MAP7: variants seen among roughly 807,000 people sequenced by gnomAD.
MAP7 encodes ensconsin.
A neutral mutation model predicts 94.8 loss-of-function variants in MAP7; 52 were observed. The ratio of observed to expected loss-of-function variants is 0.55; its 90% CI spans 0.44 to 0.69. The LOEUF (loss-of-function observed/expected upper bound fraction) is 0.69. Ranked by LOEUF, MAP7 falls within the 30% of genes least tolerant of loss-of-function variation. The pLI, the probability that MAP7 is intolerant of heterozygous loss-of-function variation, is 0.00. For synonymous variants in MAP7, 350 were observed against 357.0 expected (o/e 0.98, Z 0.22); for missense variants, 940 against 964.6 (o/e 0.97, Z 0.34).
chr6:136,457,782 T>C (rs1382190682), intron 1 of MAP7, among the ~76,000 whole-genome samples: 1 of 152,006 alleles, frequency 6.6e-6, no homozygotes, highest in East Asian at 1.9e-4. Flanking sequence ...CTCAATGAAC[T>C]AGGAATAGAA....
chr6:136,361,267 G>C, intron 11 of MAP7, 88 bp from the exon 12 acceptor site: 1 of 1,371,332 alleles, frequency 7.3e-7, no homozygotes, highest in Non-Finnish European at 1.0e-6. Context: ...CTGTAGGGCG[G>C]TTCCTTTAGG....
At chr6:136,445,922 C>T (rs912348934) in intron 1 of MAP7, among the ~76,000 whole-genome samples, 3 of 152,186 alleles carry the variant, frequency 2.0e-5, no homozygotes, top group African/African-American at 7.2e-5. Context: ...TTACTGTGAC[C>T]TCTAGTCGCC....
At chr6:136,352,863 A>G (rs956306272) in intron 16 of MAP7, among the ~76,000 whole-genome samples, 2 of 152,204 alleles carry the variant, frequency 1.3e-5, no homozygotes, top group African/African-American at 4.8e-5. Context: ...AAATAAAAGT[A>G]CTTCTTTATG....
intron 16 of MAP7, among the ~76,000 whole-genome samples, chr6:136,346,388 C>A (rs192728138): frequency 1.3e-5 from 2 of 152,108 alleles, no homozygotes; most frequent in East Asian, 3.9e-4. Flanking sequence ...CATAGCAAGA[C>A]CCCCGTCTCT....
intron 1 of MAP7, among the ~76,000 whole-genome samples, chr6:136,493,205 C>CTCTGCCTCCTGGGTTCAAGCGATTCT (rs1817196084): frequency 6.6e-6 from 1 of 150,570 alleles, no homozygotes. Flanking sequence ...TCACGGCAAC[C>CTCTGCCTCCTGGGTTCAAGCGATTCT]TCTGCCTCCT....
At chr6:136,370,905 CT>C (rs67002671) in intron 8 of MAP7, among the ~76,000 whole-genome samples, 9,251 of 149,208 alleles carry the variant, frequency 0.062, 618 homozygotes, top group East Asian at 0.18. Flanking sequence ...ACGTTACATG[CT>C]TTTTTTTTTT....
rs373517059 is a variant in MAP7, at chr6:136,377,901, G to C, written c.638-33C>G. 27 of 1,500,674 alleles carry C rather than the reference G, an allele frequency of 1.8e-5. No homozygotes were observed. In the African/African-American group the frequency reaches 3.6e-4, roughly 20 times the overall value. 93.0% of individuals were successfully genotyped at this position (1,500,674 alleles called of 1,614,324 possible). A position where few individuals can be genotyped will look rare whatever the true frequency, so the allele number is the denominator to read the frequency against. ...TCACCACATAAGCAAGATGTTAGAA[G>C]CATTCTTTTCAGAGTCAAGAGGGCA... On this transcript the variant is annotated intron_variant, in intron 6 of 17. Coordinates refer to ENST00000354570, the MANE Select transcript of MAP7 (RefSeq NM_003980.6).
intron 1 of MAP7, among the ~76,000 whole-genome samples, chr6:136,447,026 G>A (rs1799564124): frequency 1.3e-5 from 2 of 152,090 alleles, no homozygotes; most frequent in Non-Finnish European, 2.9e-5. Context: ...TAAGTCCATG[G>A]GTAAGTTACA....
Position 136,347,158 on chromosome 6 carries a change from C to T in MAP7, c.2016-1079G>A, listed in dbSNP as rs998410818. 2.6e-5 allele frequency among the ~76,000 whole-genome samples: 4 copies of T among 152,186 alleles called. No individual in the cohort carries two copies. In the South Asian group the frequency reaches 8.3e-4, roughly 32 times the overall value. ...ACAATGTAGCCAAATAATGCCTATG[C>T]ATCAAATGAGTGCTAAACTAATTTT... is the stretch of plus-strand genomic sequence containing the variant. On this transcript the variant is annotated intron_variant, in intron 16 of 17. Coordinates refer to ENST00000354570, the MANE Select transcript of MAP7 (RefSeq NM_003980.6).
rs116249032 is a variant in MAP7 at position 136,512,618 on chromosome 6, G to A, written c.67+37724C>T. On this transcript the variant is annotated intron_variant, in intron 1 of 17. Coordinates refer to ENST00000354570, the MANE Select transcript of MAP7 (RefSeq NM_003980.6). Reference sequence around the variant, plus strand: ...CAGTGCATACAAAAGTTGTGTTTTCGTTACGCTGTAGTCTATTAAGTGTGC... The same window carrying A: ...CAGTGCATACAAAAGTTGTGTTTTCATTACGCTGTAGTCTATTAAGTGTGC... Among the ~76,000 whole-genome samples, 680 of 152,216 alleles carry A rather than the reference G, an allele frequency of 4.5e-3. 3 individuals are homozygous for A. Among genetic ancestry groups the A allele is most frequent in the African/African-American group, 0.016 (652 of 41,534 alleles).
At chr6:136,371,970 A>C (rs1774643078) in intron 8 of MAP7, among the ~76,000 whole-genome samples, 1 of 152,226 alleles carries the variant, frequency 6.6e-6, no homozygotes, top group African/African-American at 2.4e-5. Context: ...GCAAATGACT[A>C]ATGTTTTCAA....
At chr6:136,537,066 C>A (rs1043111817) in intron 1 of MAP7, among the ~76,000 whole-genome samples, 1 of 152,094 alleles carries the variant, frequency 6.6e-6, no homozygotes, top group Non-Finnish European at 1.5e-5. Flanking sequence ...AACACTCTCA[C>A]AATGACATGT....
rs533464019 is a variant in MAP7, at chr6:136,343,955, C to A, written c.*273G>T. 4.2e-5 allele frequency: 10 copies of A among 239,770 alleles called. No individual in the cohort carries two copies. The highest frequency in any genetic ancestry group is 1.8e-4 in the African/African-American group (8 of 45,130). The allele number at this position is 239,770 out of a possible 1,614,324, so 14.9% of individuals were successfully genotyped here. A position where few individuals can be genotyped will look rare whatever the true frequency, so the allele number is the denominator to read the frequency against. On this transcript the variant is annotated 3_prime_UTR_variant, in exon 18 of 18. Coordinates refer to ENST00000354570, the MANE Select transcript of MAP7 (RefSeq NM_003980.6). ...AAATTCTCTTGTCTTTTAAAGAATG[C>A]AGAAAAATATTGATTGCTAAGAAGG...
chr6:136,355,997 T>A (rs995032127), intron 16 of MAP7, among the ~76,000 whole-genome samples: 2 of 152,200 alleles, frequency 1.3e-5, no homozygotes, highest in Non-Finnish European at 2.9e-5. Flanking sequence ...GCCCTGTTAT[T>A]AATAATATAA....
intron 1 of MAP7, among the ~76,000 whole-genome samples, chr6:136,448,053 G>A (rs1391097238): frequency 4.6e-5 from 7 of 152,128 alleles, no homozygotes; most frequent in African/African-American, 7.2e-5. Flanking sequence ...TTAGCTGGGC[G>A]TGGTGGCACC....
At chr6:136,541,780 C>T (rs1829341670) in intron 1 of MAP7, among the ~76,000 whole-genome samples, 2 of 152,104 alleles carry the variant, frequency 1.3e-5, no homozygotes, top group Non-Finnish European at 2.9e-5. Context: ...AAAGTGGAGC[C>T]GGGAGTGGTG....
At chr6:136,517,538 T>C (rs938798076) in intron 1 of MAP7, among the ~76,000 whole-genome samples, 2 of 152,380 alleles carry the variant, frequency 1.3e-5, no homozygotes, top group East Asian at 3.9e-4. Flanking sequence ...ATAAGCTAAG[T>C]GCTTGTGTAT....
intron 12 of MAP7, 60 bp from the exon 13 acceptor site, chr6:136,360,858 G>T: frequency 3.8e-6 from 6 of 1,589,676 alleles, no homozygotes; most frequent in Non-Finnish European, 5.2e-6. Context: ...GGGTCTCCCA[G>T]GGGGTGCCCA....
intron 2 of MAP7, among the ~76,000 whole-genome samples, chr6:136,414,252 C>CAAAACAAAAAAA (rs1788556475): frequency 6.3e-5 from 1 of 15,932 alleles, no homozygotes; most frequent in Non-Finnish European, 1.6e-4. Context: ...GACTCCGTCT[C>CAAAACAAAAAAA]AAAAAAAAAA....
Sources: gnomAD v4.1 joint callset for allele counts (sites outside exome capture counted in the v4.1 genomes callset) on GRCh38, gnomAD v4.1.1 for gene constraint, MANE v1.5 for transcripts, NCBI Gene and HGNC (gene_info 2026-07-23, HGNC 2026-07-21) for gene names.